The following B3GALT1 variants were observed in gnomAD, a reference collection of about 807,000 sequenced individuals.
B3GALT1 encodes UDP-Gal:betaGlcNAc beta 1,3-galactosyltransferase, polypeptide 1.
A neutral mutation model predicts 23.2 loss-of-function variants in B3GALT1; 10 were observed. The observed-to-expected ratio is 0.43, with a 90% CI of 0.27 to 0.73. The LOEUF is 0.73. Among genes scored for constraint, B3GALT1 ranks in the 30% least tolerant of loss-of-function variants. The pLI, the probability that B3GALT1 is intolerant of heterozygous loss-of-function variation, is 0.21. For missense variants in B3GALT1, 299 were observed against 405.4 expected (o/e 0.74, Z 2.25); for synonymous variants, 156 against 141.5 (o/e 1.10, Z -0.73).
chr2:167,815,247 A>G (rs1227581565), intron 3 of B3GALT1: 1 of 152,248 alleles, frequency 6.6e-6, no homozygotes, highest in Non-Finnish European at 1.5e-5. Flanking sequence ...GTGAAGAGAA[A>G]TTGAAAGTTA....
chr2:167,611,794 C>T (rs1056550065), intron 2 of B3GALT1, among the ~76,000 whole-genome samples: 1 of 151,670 alleles, frequency 6.6e-6, no homozygotes. Context: ...GCACCTGGAC[C>T]ACATTACTTT....
At chr2:167,775,968 A>G (rs13009901) in intron 3 of B3GALT1, among the ~76,000 whole-genome samples, 90 of 151,344 alleles carry the variant, frequency 5.9e-4, no homozygotes, top group African/African-American at 2.1e-3. Context: ...ACACCACAGT[A>G]CCCCAAACAA....
chr2:167,727,627 G>A (rs1250503088), intron 3 of B3GALT1, among the ~76,000 whole-genome samples: 3 of 152,124 alleles, frequency 2.0e-5, no homozygotes, highest in African/African-American at 7.2e-5. Context: ...AGTCCAAGAT[G>A]ATTTAGAATT....
At chr2:167,730,953 A>G (rs1028759637) in intron 3 of B3GALT1, among the ~76,000 whole-genome samples, 8 of 152,224 alleles carry the variant, frequency 5.3e-5, no homozygotes, top group African/African-American at 1.9e-4. Flanking sequence ...GAATAAACCT[A>G]TGAAGAAAGT....
intron 1 of B3GALT1, among the ~76,000 whole-genome samples, chr2:167,335,364 C>T (rs139648556): frequency 1.1e-4 from 16 of 152,260 alleles, no homozygotes; most frequent in Admixed American, 4.6e-4. Context: ...CGGAGTCCTT[C>T]TTAGGCCATA....
chr2:167,600,893 A>G (rs1243317075), intron 2 of B3GALT1, among the ~76,000 whole-genome samples: 1 of 152,030 alleles, frequency 6.6e-6, no homozygotes. Flanking sequence ...GTATAAACGC[A>G]TGTTTTTATT....
At chr2:167,791,608 TTAAC>T (rs141097202) in intron 3 of B3GALT1, among the ~76,000 whole-genome samples, 4,604 of 152,242 alleles carry the variant, frequency 0.03, 265 homozygotes, top group African/African-American at 0.11. Flanking sequence ...GATCAGACCT[TTAAC>T]TAATGCAGAG....
At chr2:167,755,420 C>A (rs1313896493) in intron 3 of B3GALT1, among the ~76,000 whole-genome samples, 2 of 150,836 alleles carry the variant, frequency 1.3e-5, no homozygotes, top group Non-Finnish European at 1.5e-5. Context: ...ATACTCTTCT[C>A]CCTCCAAACT....
intron 2 of B3GALT1, among the ~76,000 whole-genome samples, chr2:167,628,234 G>A (rs936136791): frequency 2.6e-5 from 4 of 151,672 alleles, no homozygotes; most frequent in Non-Finnish European, 5.9e-5. Context: ...GTTGTGAATT[G>A]GAGAGAATAA....
At chr2:167,498,938 G>T (rs1472392196) in intron 2 of B3GALT1, among the ~76,000 whole-genome samples, 2 of 152,124 alleles carry the variant, frequency 1.3e-5, no homozygotes, top group Non-Finnish European at 2.9e-5. Context: ...AACAGGAAAA[G>T]AGGCTGGTAT....
intron 1 of B3GALT1, among the ~76,000 whole-genome samples, chr2:167,308,228 A>G (rs1696579447): frequency 1.3e-5 from 2 of 152,058 alleles, no homozygotes. Flanking sequence ...AATATTTACA[A>G]GCTCAAAACT....
chr2:167,337,270 GA>G (rs1697073128), intron 1 of B3GALT1, among the ~76,000 whole-genome samples: 1 of 152,046 alleles, frequency 6.6e-6, no homozygotes, highest in Admixed American at 6.6e-5. Context: ...AATATGCTGT[GA>G]GGATTTCAGT....
At chr2:167,390,616 C>G (rs1032548603) in intron 1 of B3GALT1, among the ~76,000 whole-genome samples, 9 of 152,164 alleles carry the variant, frequency 5.9e-5, no homozygotes, top group Admixed American at 6.5e-5. Context: ...GCCCTCCTAC[C>G]CAGATCCTGG....
intron 1 of B3GALT1, among the ~76,000 whole-genome samples, chr2:167,311,590 T>A (rs1696634932): frequency 6.6e-6 from 1 of 151,982 alleles, no homozygotes; most frequent in South Asian, 2.1e-4. Flanking sequence ...TAAAAATAAA[T>A]ATATACTTGT....
intron 3 of B3GALT1, among the ~76,000 whole-genome samples, chr2:167,665,605 G>C (rs1225680587): frequency 1.3e-5 from 2 of 151,610 alleles, no homozygotes; most frequent in Admixed American, 6.6e-5. Context: ...GACTCTTTTT[G>C]GTTGGTAAGC....
intron 4 of B3GALT1, among the ~76,000 whole-genome samples, chr2:167,836,648 C>T (rs1224860446): frequency 6.6e-6 from 1 of 152,068 alleles, no homozygotes; most frequent in Non-Finnish European, 1.5e-5. Flanking sequence ...CAAGGCAGGC[C>T]AACATTCAGA....
chr2:167,624,753 G>A (rs1193374671), intron 2 of B3GALT1, among the ~76,000 whole-genome samples: 1 of 151,936 alleles, frequency 6.6e-6, no homozygotes, highest in Admixed American at 6.6e-5. Context: ...TTTTCTTTTA[G>A]TTTATTTGTT....
chr2:167,393,876 G>A (rs1049608556), intron 1 of B3GALT1, among the ~76,000 whole-genome samples: 1 of 152,128 alleles, frequency 6.6e-6, no homozygotes, highest in African/African-American at 2.4e-5. Context: ...AGTGGACATG[G>A]AGCAAGCAAT....
chr2:167,688,553 G>C (rs1002922233), intron 3 of B3GALT1, among the ~76,000 whole-genome samples: 4 of 151,850 alleles, frequency 2.6e-5, no homozygotes, highest in Non-Finnish European at 2.9e-5. Context: ...TAGAATGGAG[G>C]GGACAGGAAA....
Sources: gnomAD v4.1 joint callset for allele counts (sites outside exome capture counted in the v4.1 genomes callset) on GRCh38, gnomAD v4.1.1 for gene constraint, MANE v1.5 for transcripts, NCBI Gene and HGNC (gene_info 2026-07-23, HGNC 2026-07-21) for gene names.